Variants in TMEM130 observed in about 807,000 individuals in gnomAD.
TMEM130 encodes transmembrane protein 130.
Under a neutral mutation model 42.9 loss-of-function variants are expected in TMEM130, and 37 were observed. That is an observed-to-expected ratio of 0.86 (90% CI 0.66 to 1.13). TMEM130 has a LOEUF of 1.13. Among genes scored for constraint, TMEM130 ranks in the 50% most tolerant of loss-of-function variants. The probability of loss-of-function intolerance (pLI) is 0.00; values close to 1 mark genes in which losing one functional copy is unlikely to be tolerated. For missense variants in TMEM130, 545 were observed against 562.6 expected, an observed-to-expected ratio of 0.97 and a Z score of 0.32; for synonymous variants, 259 against 237.7, an observed-to-expected ratio of 1.09 and a Z score of -0.82.
chr7:98,862,306 A>AAGAGAC (rs57043701), intron 2 of TMEM130, among the ~76,000 whole-genome samples: 112,957 of 138,740 alleles, frequency 0.81, 46,628 homozygotes, highest in South Asian at 0.93. Context: ...GAAAGAGACA[A>AAGAGAC]AGAGACAGAG....
intron 5 of TMEM130, among the ~76,000 whole-genome samples, chr7:98,854,375 C>A (rs577733104): frequency 5.9e-4 from 84 of 141,230 alleles, no homozygotes; most frequent in Non-Finnish European, 1.1e-3. Flanking sequence ...GGATCCCTCC[C>A]AACCTTTGTC....
rs113942573 is a variant in TMEM130, at chr7:98,852,136, AT to A, written c.804-514del. On this transcript the variant is annotated intron_variant, in intron 5 of 7. Coordinates refer to ENST00000339375, the MANE Select transcript of TMEM130 (RefSeq NM_152913.3). ...TAATTTTTTAATTTAATTTAATTTAATTTTTTATTAATTATTTATTTAGAGA... is the reference window on the plus strand; with the variant it reads ...TAATTTTTTAATTTAATTTAATTTAATTTTTATTAATTATTTATTTAGAGA... 9.6e-3 allele frequency among the ~76,000 whole-genome samples: 1,458 copies of A among 151,802 alleles called. 13 individuals are homozygous for A. The highest frequency in any genetic ancestry group is 0.031 in the African/African-American group (1,280 of 41,400).
rs1554400995 is a variant in TMEM130 at position 98,869,085 on chromosome 7, G to C, written c.85+692C>G. On this transcript the variant is annotated intron_variant, in intron 1 of 7. Transcript: ENST00000339375. The surrounding 1 kb of genome is among the most constrained non-coding windows in gnomAD (Gnocchi z 4.7). ...CTGTCCCTCGAATAGTCTTAAATCT[G>C]GGTCCTTTTATGGTTCCCAAAATGT... The C allele has an allele frequency of 1.1e-6, 1 of 931,760 alleles. No individual in the cohort carries two copies. The allele number at this position is 931,760 out of a possible 1,614,324, so 57.7% of individuals were successfully genotyped here.
chr7:98,866,840 C>G (rs1794921466), intron 1 of TMEM130: 3 of 152,144 alleles, frequency 2.0e-5, no homozygotes. Context: ...CAGCTCACAC[C>G]TGTAATCACA....
At chr7:98,858,933 A>G (rs1415091955) in intron 3 of TMEM130, among the ~76,000 whole-genome samples, 3 of 115,566 alleles carry the variant, frequency 2.6e-5, no homozygotes, top group Admixed American at 1.1e-4. Context: ...CTTTGGGAGG[A>G]GGAAGGGAGG....
chr7:98,849,689 G>A (rs1202558341), intron 6 of TMEM130, among the ~76,000 whole-genome samples: 2 of 152,164 alleles, frequency 1.3e-5, no homozygotes, highest in Non-Finnish European at 2.9e-5. Flanking sequence ...GCAGGGTTTG[G>A]CATGAGCTTG....
rs1388174959 is a variant in TMEM130, at chr7:98,851,289, C to G, written c.1006+132G>C. The G allele has an allele frequency of 5.8e-6, 5 of 866,684 alleles. No homozygotes were observed. In the East Asian group the frequency reaches 9.9e-5, roughly 17 times the overall value. The allele number at this position is 866,684 out of a possible 1,614,324, so 53.7% of individuals were successfully genotyped here. ...GGAGTCAGTGGGGTTATGGATGGTG[C>G]TGATGCTAGCGGGCTTTGTTGCTGA... On this transcript the variant is annotated intron_variant, in intron 6 of 7. Coordinates refer to ENST00000339375, the MANE Select transcript of TMEM130 (RefSeq NM_152913.3).
rs1554401090 is a variant in TMEM130 at position 98,869,763 on chromosome 7, G to A, written c.85+14C>T. The A allele has an allele frequency of 7.2e-7, 1 of 1,387,348 alleles. No individual in the cohort carries two copies. Among genetic ancestry groups the A allele is most frequent in the South Asian group, 1.6e-5 (1 of 61,944 alleles). The allele number at this position is 1,387,348 out of a possible 1,614,324, so 85.9% of individuals were successfully genotyped here. On this transcript the variant is annotated intron_variant, in intron 1 of 7. Coordinates refer to ENST00000339375, the MANE Select transcript of TMEM130 (RefSeq NM_152913.3). This position sits in a 1 kb window ranked among gnomAD's most constrained non-coding sequence, Gnocchi z 4.7. ...GCTGCGGCTGCAGGGAGGCCGGATT[G>A]CCCAGCGCCTTACCTGCGGCCACCC...
chr7:98,867,317 C>A (rs1333464805), intron 1 of TMEM130, among the ~76,000 whole-genome samples: 1 of 152,060 alleles, frequency 6.6e-6, no homozygotes, highest in Non-Finnish European at 1.5e-5. Flanking sequence ...CTGAGGCCAC[C>A]CAACCAGTCT....
chr7:98,848,152 G>T lies in TMEM130; in HGVS notation c.1176C>A (p.Phe392Leu). Residue 392 changes from phenylalanine to leucine, a missense_variant, in exon 8 of 8, where the codon TTC (phenylalanine) becomes TTA (leucine). Transcript: ENST00000339375. ...GGTACTCAGATGGAGTCTCCAGCAA[G>T]AAAGGCCCACAGCACATCTGGCAGC... Reference protein sequence around the residue: ...RCCCQMCCGPFLLETPSEYLE... With the variant: ...RCCCQMCCGPLLLETPSEYLE... 6.2e-7 allele frequency: 1 copy of T among 1,614,162 alleles called. No individual in the cohort carries two copies. The highest frequency in any genetic ancestry group is 8.5e-7 in the Non-Finnish European group (1 of 1,180,026).
intron 5 of TMEM130, among the ~76,000 whole-genome samples, chr7:98,854,197 C>G (rs1554398630): frequency 1.3e-5 from 2 of 152,100 alleles, no homozygotes; most frequent in East Asian, 3.9e-4. Context: ...GTCACAGCAC[C>G]CGGCCTCAGA....
chr7:98,861,939 T>C (rs1794779159), intron 2 of TMEM130, among the ~76,000 whole-genome samples: 1 of 152,214 alleles, frequency 6.6e-6, no homozygotes, highest in Non-Finnish European at 1.5e-5. Flanking sequence ...TTCTGTGCTT[T>C]GCTTTTTTAA....
chr7:98,865,618 A>T lies in TMEM130; in HGVS notation c.86-2218T>A, dbSNP rs183588534. Among the ~76,000 whole-genome samples the T allele has an allele frequency of 4.1e-4, 62 of 152,238 alleles. 1 individual carries two copies. Among genetic ancestry groups the T allele is most frequent in the African/African-American group, 1.5e-3 (61 of 41,538 alleles). On this transcript the variant is annotated intron_variant, in intron 1 of 7. Coordinates refer to ENST00000339375, the MANE Select transcript of TMEM130 (RefSeq NM_152913.3). Reference sequence around the variant, plus strand: ...AGCGAAACTGTCTCAAAAAAATTTAAAAAAAGAAAGGCCAACTATTTGACC... The same window carrying T: ...AGCGAAACTGTCTCAAAAAAATTTATAAAAAGAAAGGCCAACTATTTGACC...
intron 3 of TMEM130, among the ~76,000 whole-genome samples, chr7:98,859,120 A>AG (rs538205038): frequency 6.7e-4 from 52 of 77,872 alleles, no homozygotes; most frequent in Non-Finnish European, 1.1e-3. Flanking sequence ...AAAGGAAGGG[A>AG]GGGAGGGAGG....
intron 1 of TMEM130, among the ~76,000 whole-genome samples, chr7:98,865,425 T>C (rs1401734760): frequency 1.3e-5 from 2 of 152,060 alleles, no homozygotes; most frequent in African/African-American, 2.4e-5. Flanking sequence ...CTGACCAACA[T>C]GGAGAAACCC....
chr7:98,866,991 G>A (rs1284514728), intron 1 of TMEM130: 1 of 152,140 alleles, frequency 6.6e-6, no homozygotes, highest in African/African-American at 2.4e-5. Context: ...CAGCTACTTG[G>A]AAGGCTGAGG....
Position 98,851,467 on chromosome 7 carries a change from G to T in TMEM130, c.960C>A (p.Ile320=), listed in dbSNP as rs1345423471. The part of the protein sequence containing the change: ...DYCFSIRAEN[I]ISKTHQYHKI... ...TGTGGTACTGATGTGTCTTGCTGAT[G>T]ATATTCTCGGCCCGGATGCTGAAGC... The change falls in exon 6 of 8, where the codon ATC becomes ATA. Residue 320 remains isoleucine, a synonymous_variant. Transcript: ENST00000339375. 4 of 1,614,100 alleles carry T rather than the reference G, an allele frequency of 2.5e-6. No individual in the cohort carries two copies. The highest frequency in any genetic ancestry group is 1.7e-6 in the Non-Finnish European group (2 of 1,180,020).
intron 5 of TMEM130, among the ~76,000 whole-genome samples, chr7:98,852,706 C>T (rs1210310838): frequency 6.6e-6 from 1 of 151,692 alleles, no homozygotes; most frequent in Non-Finnish European, 1.5e-5. Context: ...GTGAGTCTTC[C>T]ACCTCAGCCT....
chr7:98,869,856 G>A lies in TMEM130; in HGVS notation c.6C>T (p.Ala2=). The change falls in exon 1 of 8, where the codon GCC becomes GCT. Residue 2 remains alanine, a synonymous_variant. Transcript: ENST00000339375. This position sits in a 1 kb window ranked among gnomAD's most constrained non-coding sequence, Gnocchi z 4.7. ...GGCCGAGGCGCGACCACACTGCCTG[G>A]GCCATTGCGGGGCCCGGAGCGGGAG... M[A]QAVWSRLGRI... 7.2e-7 allele frequency: 1 copy of A among 1,390,254 alleles called. No individual in the cohort carries two copies. Among genetic ancestry groups the A allele is most frequent in the Non-Finnish European group, 9.4e-7 (1 of 1,068,436 alleles). The allele number at this position is 1,390,254 out of a possible 1,614,324, so 86.1% of individuals were successfully genotyped here.
Sources: allele counts gnomAD v4.1 joint callset (sites outside exome capture counted in the v4.1 genomes callset), GRCh38; gene constraint gnomAD v4.1.1; non-coding constraint Gnocchi (gnomAD v3.1); transcripts MANE v1.5; gene names NCBI Gene and HGNC (gene_info 2026-07-23, HGNC 2026-07-21).